Variants in UTS2B observed in about 807,000 individuals in gnomAD.
UTS2B encodes urotensin-2B.
UTS2B carries 21 observed loss-of-function variants against 19.2 expected under a neutral mutation model. The ratio of observed to expected loss-of-function variants is 1.09; its 90% CI spans 0.78 to 1.58. The LOEUF (loss-of-function observed/expected upper bound fraction) is 1.58. UTS2B is among the 40% of genes most tolerant of loss of function. The pLI is 0.00. For synonymous variants in UTS2B, 57 were observed against 50.2 expected, an observed-to-expected ratio of 1.14 and a Z score of -0.58; for missense variants, 138 against 130.3, an observed-to-expected ratio of 1.06 and a Z score of -0.29.
At chr3:191,326,750 A>G (rs900990890) in intron 2 of UTS2B, among the ~76,000 whole-genome samples, 1 of 152,210 alleles carries the variant, frequency 6.6e-6, no homozygotes, top group African/African-American at 2.4e-5. Context: ...CTCAAAAGAT[A>G]CTAGCTCTTC....
At position 191,282,082 on chromosome 3, in the gene UTS2B, C is replaced by G; in HGVS notation, c.103+5G>C. On this transcript the variant is annotated splice_donor_5th_base_variant and intron_variant, in intron 5 of 8. Transcript: ENST00000340524. ...CTGTAGGATTTTTAATTGATATGCA[C>G]GTACCTTGGGTAAGATATGGTCGTC... is the stretch of plus-strand genomic sequence containing the variant. 1 of 1,596,362 alleles carries G rather than the reference C, an allele frequency of 6.3e-7. No individual in the cohort carries two copies. The highest frequency in any genetic ancestry group is 8.6e-7 in the Non-Finnish European group (1 of 1,165,760).
chr3:191,339,177 G>A, the UTS2B span, among the ~76,000 whole-genome samples: 1 of 152,186 alleles, frequency 6.6e-6, no homozygotes, highest in Non-Finnish European at 1.5e-5. Context: ...ATATTGAAAA[G>A]AGGAGAGAGC....
At chr3:191,296,429 C>T (rs868537876) in intron 4 of UTS2B, among the ~76,000 whole-genome samples, 3 of 152,170 alleles carry the variant, frequency 2.0e-5, no homozygotes, top group Non-Finnish European at 4.4e-5. Context: ...ATATCTCAAC[C>T]GTAAATCAAT....
At chr3:191,282,975 AT>A (rs1483859319) in intron 4 of UTS2B, among the ~76,000 whole-genome samples, 1 of 152,098 alleles carries the variant, frequency 6.6e-6, no homozygotes, top group African/African-American at 2.4e-5. Context: ...TATATCTCCA[AT>A]TTCAATTTTA....
chr3:191,331,496 C>A (rs1017645309), upstream of UTS2B, among the ~76,000 whole-genome samples: 1 of 152,066 alleles, frequency 6.6e-6, no homozygotes, highest in Non-Finnish European at 1.5e-5. Flanking sequence ...TTGCGTAATA[C>A]GGTGTTTGGC....
chr3:191,276,919 A>T, intron 6 of UTS2B, 75 bp from the exon 7 acceptor site: 1 of 1,341,820 alleles, frequency 7.5e-7, no homozygotes, highest in East Asian at 2.3e-5. Flanking sequence ...CACACATTTA[A>T]GATCTTACGT....
At chr3:191,300,566 G>A (rs557333049) in intron 4 of UTS2B, among the ~76,000 whole-genome samples, 10 of 152,342 alleles carry the variant, frequency 6.6e-5, no homozygotes, top group Admixed American at 2.0e-4. Flanking sequence ...AGGGATGGCT[G>A]TATTGCAATG....
At chr3:191,324,264 A>G (rs1288011494) in intron 2 of UTS2B, among the ~76,000 whole-genome samples, 1 of 152,228 alleles carries the variant, frequency 6.6e-6, no homozygotes, top group Non-Finnish European at 1.5e-5. Flanking sequence ...GACTCCTTCA[A>G]TTGGAGGCAT....
chr3:191,307,256 C>T (rs1285159017), intron 3 of UTS2B, among the ~76,000 whole-genome samples: 4 of 152,098 alleles, frequency 2.6e-5, no homozygotes, highest in African/African-American at 9.7e-5. Context: ...CTTAGCTTGA[C>T]ATTAAAGATT....
At chr3:191,332,094 C>T (rs1230390526), upstream of UTS2B, among the ~76,000 whole-genome samples, 2 of 151,994 alleles carry the variant, frequency 1.3e-5, no homozygotes, top group African/African-American at 4.8e-5. Flanking sequence ...GAGTGTGTGC[C>T]CGTTTCCATT....
chr3:191,282,442 A>C, intron 4 of UTS2B, 129 bp from the exon 5 acceptor site: 1 of 383,766 alleles, frequency 2.6e-6, no homozygotes, highest in South Asian at 4.9e-5. Flanking sequence ...GAACCCAATC[A>C]ATACATCTCA....
intron 3 of UTS2B, among the ~76,000 whole-genome samples, chr3:191,313,413 G>A (rs1717357363): frequency 6.6e-6 from 1 of 152,144 alleles, no homozygotes; most frequent in Non-Finnish European, 1.5e-5. Context: ...TTGCTGGTCA[G>A]GACCCAGATT....
In UTS2B at chr3:191,267,915, T is replaced by C. The variant is rs1045301842; in HGVS notation, c.*501A>G. The stretch of plus-strand genomic sequence containing the variant: ...CAGTAACAATTGTAACAAAAGCTGG[T>C]TACAAACAATCCATGGAAACAGGAC... On this transcript the variant is annotated 3_prime_UTR_variant, in exon 9 of 9. Transcript: ENST00000340524. The C allele has an allele frequency of 6.6e-6, 1 of 152,184 alleles. No individual in the cohort carries two copies. The highest frequency in any genetic ancestry group is 2.4e-5 in the African/African-American group (1 of 41,438). 9.4% of individuals were successfully genotyped at this position (152,184 alleles called of 1,614,324 possible).
At chr3:191,291,061 TG>T (rs1484929090) in intron 4 of UTS2B, among the ~76,000 whole-genome samples, 1 of 143,812 alleles carries the variant, frequency 7.0e-6, no homozygotes, top group East Asian at 1.9e-4. Flanking sequence ...AGACGGTGCT[TG>T]GAGTTCTTTT....
intron 3 of UTS2B, among the ~76,000 whole-genome samples, chr3:191,312,206 G>A (rs1026648115): frequency 6.6e-6 from 1 of 150,446 alleles, no homozygotes; most frequent in African/African-American, 2.4e-5. Flanking sequence ...CTTCACCAAC[G>A]CCAGGCTTCA....
At chr3:191,269,617 ACCT>A (rs1388942115) in intron 8 of UTS2B, among the ~76,000 whole-genome samples, 2 of 151,902 alleles carry the variant, frequency 1.3e-5, no homozygotes, top group East Asian at 1.9e-4. Flanking sequence ...TGATTCTCTA[ACCT>A]CAGCCTCCTG....
intron 2 of UTS2B, among the ~76,000 whole-genome samples, chr3:191,326,250 C>T (rs1417908551): frequency 6.6e-6 from 1 of 151,710 alleles, no homozygotes; most frequent in Non-Finnish European, 1.5e-5. Flanking sequence ...TTATTGAGTG[C>T]CTATTATGTG....
At chr3:191,285,176 G>A (rs1716500438) in intron 4 of UTS2B, among the ~76,000 whole-genome samples, 2 of 152,072 alleles carry the variant, frequency 1.3e-5, no homozygotes, top group African/African-American at 4.8e-5. Context: ...ATAAAATTAT[G>A]TAAATTGTGA....
At chr3:191,342,755 T>C in the UTS2B span, among the ~76,000 whole-genome samples, 1 of 152,232 alleles carries the variant, frequency 6.6e-6, no homozygotes, top group Admixed American at 6.5e-5. Flanking sequence ...GGAGTTTCTT[T>C]AGGGATACAT....
Sources: gnomAD v4.1 joint callset for allele counts (sites outside exome capture counted in the v4.1 genomes callset) on GRCh38, gnomAD v4.1.1 for gene constraint, MANE v1.5 for transcripts, NCBI Gene and HGNC (gene_info 2026-07-23, HGNC 2026-07-21) for gene names.